The following ATL2 variants were observed in gnomAD, a reference collection of about 807,000 sequenced individuals.
The protein encoded by ATL2 is atlastin GTPase 2.
In ATL2, 31 loss-of-function variants were observed where a neutral mutation model predicts 73.9. The observed-to-expected ratio is 0.42, with a 90% confidence interval of 0.32 to 0.57. ATL2 has a LOEUF of 0.57. Ranked by LOEUF, ATL2 falls within the 20% of genes least tolerant of loss-of-function variation. The pLI, the probability that ATL2 is intolerant of heterozygous loss-of-function variation, is 0.14. For missense variants in ATL2, 738 were observed against 702.6 expected, an observed-to-expected ratio of 1.05 and a Z score of -0.57; for synonymous variants, 291 against 237.5, an observed-to-expected ratio of 1.23 and a Z score of -2.07.
Position 38,310,459 on chromosome 2 carries a change from G to C in ATL2, c.805-12C>G. On this transcript the variant is annotated splice_polypyrimidine_tract_variant and intron_variant, in intron 7 of 12. Coordinates refer to ENST00000378954, the MANE Select transcript of ATL2 (RefSeq NM_001135673.4). Reference sequence around the variant, plus strand: ...TGATTTTGTTTTACCTGAGGGCGGAGAGAGACAGGTGAAATTGTAAACAGA... The same window carrying C: ...TGATTTTGTTTTACCTGAGGGCGGACAGAGACAGGTGAAATTGTAAACAGA... 6.3e-7 allele frequency: 1 copy of C among 1,580,284 alleles called. No homozygotes were observed. Among genetic ancestry groups the C allele is most frequent in the South Asian group, 1.2e-5 (1 of 85,724 alleles).
intron 1 of ATL2, among the ~76,000 whole-genome samples, chr2:38,351,990 T>C (rs1178720965): frequency 6.6e-6 from 1 of 150,602 alleles, no homozygotes; most frequent in Non-Finnish European, 1.5e-5. Context: ...CAGGCCCCTG[T>C]AATCTCAGCT....
At chr2:38,332,631 T>C (rs1669066221) in intron 2 of ATL2, among the ~76,000 whole-genome samples, 1 of 152,208 alleles carries the variant, frequency 6.6e-6, no homozygotes, top group Non-Finnish European at 1.5e-5. Flanking sequence ...TCAGTAACAC[T>C]GTTAAAGGAA....
At chr2:38,325,370 C>T (rs1668539121) in intron 2 of ATL2, among the ~76,000 whole-genome samples, 1 of 152,058 alleles carries the variant, frequency 6.6e-6, no homozygotes. Context: ...ACTGCTGCAG[C>T]AACTGGTAGG....
chr2:38,315,869 C>T (rs546788066), intron 4 of ATL2, among the ~76,000 whole-genome samples: 24 of 152,188 alleles, frequency 1.6e-4, no homozygotes, highest in Non-Finnish European at 2.5e-4. Flanking sequence ...TTTTCACTTA[C>T]ACTCAACATG....
chr2:38,354,197 A>G (rs1019321828), intron 1 of ATL2: 2 of 434,930 alleles, frequency 4.6e-6, no homozygotes, highest in African/African-American at 4.3e-5. Flanking sequence ...AAAAAAGCAA[A>G]GAGTATCTGT....
At chr2:38,356,884 A>C (rs1176439052) in intron 1 of ATL2, among the ~76,000 whole-genome samples, 1 of 152,206 alleles carries the variant, frequency 6.6e-6, no homozygotes, top group Non-Finnish European at 1.5e-5. Context: ...GAAATGTTTA[A>C]ATTACCACCC....
intron 1 of ATL2, among the ~76,000 whole-genome samples, chr2:38,344,539 G>C (rs909957875): frequency 2.0e-5 from 3 of 152,180 alleles, no homozygotes; most frequent in Admixed American, 1.3e-4. Flanking sequence ...GAACCTGGGA[G>C]GCAGAGGTTG....
At chr2:38,371,742 AC>A (rs1173593403) in intron 1 of ATL2, among the ~76,000 whole-genome samples, 1 of 152,078 alleles carries the variant, frequency 6.6e-6, no homozygotes, top group African/African-American at 2.4e-5. Flanking sequence ...TATTAAAAAT[AC>A]AAAAATTAGC....
At chr2:38,298,991 A>G (rs1394306376) in intron 11 of ATL2, among the ~76,000 whole-genome samples, 2 of 152,328 alleles carry the variant, frequency 1.3e-5, no homozygotes, top group East Asian at 1.9e-4. Flanking sequence ...GAAGTCACCA[A>G]TAACAGCACT....
chr2:38,352,379 C>A (rs1442663011), intron 1 of ATL2, among the ~76,000 whole-genome samples: 3 of 152,078 alleles, frequency 2.0e-5, no homozygotes, highest in Non-Finnish European at 4.4e-5. Context: ...CAACAAGTAG[C>A]ACAAGGACAC....
intron 1 of ATL2, among the ~76,000 whole-genome samples, chr2:38,345,338 ACAGAG>A (rs1254599820): frequency 6.6e-6 from 1 of 152,182 alleles, no homozygotes; most frequent in African/African-American, 2.4e-5. Flanking sequence ...ACCAATATTC[ACAGAG>A]CAAAGATTAT....
chr2:38,349,224 G>A (rs1361405581), intron 1 of ATL2, among the ~76,000 whole-genome samples: 6 of 152,022 alleles, frequency 3.9e-5, no homozygotes, highest in Non-Finnish European at 5.9e-5. Context: ...ACATGCACAC[G>A]TATGTTCGTT....
At chr2:38,356,914 C>T in intron 1 of ATL2, among the ~76,000 whole-genome samples, 1 of 152,170 alleles carries the variant, frequency 6.6e-6, no homozygotes, top group East Asian at 1.9e-4. Context: ...TTTAATTCTA[C>T]ACTAAATCAG....
At chr2:38,365,178 C>T (rs1276889277) in intron 1 of ATL2, among the ~76,000 whole-genome samples, 1 of 150,728 alleles carries the variant, frequency 6.6e-6, no homozygotes, top group African/African-American at 2.5e-5. Flanking sequence ...TACACACACA[C>T]ACACACACAC....
intron 4 of ATL2, among the ~76,000 whole-genome samples, chr2:38,317,590 A>G (rs921992777): frequency 1.3e-5 from 2 of 152,240 alleles, no homozygotes; most frequent in African/African-American, 4.8e-5. Flanking sequence ...TAAATTAAAC[A>G]TTAAGTAATT....
upstream of ATL2, among the ~76,000 whole-genome samples, chr2:38,378,195 C>A (rs1378487322): frequency 6.6e-6 from 1 of 152,156 alleles, no homozygotes; most frequent in Non-Finnish European, 1.5e-5. Context: ...AACAGATGTC[C>A]GGGTGTACAA....
At chr2:38,311,915 CAG>C (rs753172845) in intron 7 of ATL2, among the ~76,000 whole-genome samples, 68 of 152,110 alleles carry the variant, frequency 4.5e-4, no homozygotes, top group Non-Finnish European at 9.4e-4. Flanking sequence ...AAACCAGAAA[CAG>C]AAAATGCTGA....
chr2:38,297,955 A>C (rs748417265), intron 12 of ATL2, 189 bp downstream of exon 12: 38 of 602,302 alleles, frequency 6.3e-5, no homozygotes, highest in African/African-American at 1.7e-4. Flanking sequence ...AGGCTAACCA[A>C]AGTACATTAA....
At chr2:38,336,316 G>C (rs1336885510) in intron 2 of ATL2, among the ~76,000 whole-genome samples, 3 of 152,210 alleles carry the variant, frequency 2.0e-5, no homozygotes, top group Non-Finnish European at 2.9e-5. Flanking sequence ...TCTGGCAACA[G>C]TTTGGGGAGC....
Sources: allele counts gnomAD v4.1 joint callset (sites outside exome capture counted in the v4.1 genomes callset), GRCh38; gene constraint gnomAD v4.1.1; transcripts MANE v1.5; gene names NCBI Gene and HGNC (gene_info 2026-07-23, HGNC 2026-07-21).